ERC2: variants seen among roughly 807,000 people sequenced by gnomAD.
ERC2 encodes ERC protein 2.
ERC2 carries 42 observed loss-of-function variants against 114.8 expected under a neutral mutation model. That is an observed-to-expected ratio of 0.37 (90% CI 0.29 to 0.47). ERC2 has a LOEUF of 0.47. Ranked by LOEUF, ERC2 falls within the 20% of genes least tolerant of loss-of-function variation. The pLI, the probability that ERC2 is intolerant of heterozygous loss-of-function variation, is 0.99. For synonymous variants in ERC2, 454 were observed against 425.5 expected, an observed-to-expected ratio of 1.07 and a Z score of -0.82; for missense variants, 939 against 1,150.7, an observed-to-expected ratio of 0.82 and a Z score of 2.66.
intron 7 of ERC2, among the ~76,000 whole-genome samples, chr3:56,061,839 T>C (rs1165896621): frequency 1.3e-5 from 2 of 152,208 alleles, no homozygotes; most frequent in African/African-American, 4.8e-5. Context: ...GTTCTGTATC[T>C]GTAATTCAGT....
At position 55,888,342 on chromosome 3, in the gene ERC2, A is replaced by G. The variant is rs774393357; in HGVS notation, c.2564+47T>C. On this transcript the variant is annotated intron_variant, in intron 14 of 17. Transcript: ENST00000288221. ...TAGCCCTTCCCCTTTCCCACTCTCA[A>G]GAGAGGCTAGAAGAGAGAGGCTACC... The G allele has an allele frequency of 7.5e-6, 12 of 1,603,320 alleles. No homozygotes were observed. The South Asian group carries it at 1.2e-4, about 16-fold the overall frequency.
chr3:55,734,309 T>C (rs563585925), intron 15 of ERC2, among the ~76,000 whole-genome samples: 4 of 152,112 alleles, frequency 2.6e-5, no homozygotes, highest in African/African-American at 9.6e-5. Flanking sequence ...GAGGAAATAG[T>C]CAAAGAACTA....
chr3:56,123,609 C>T (rs2079709246), intron 6 of ERC2, among the ~76,000 whole-genome samples: 1 of 152,228 alleles, frequency 6.6e-6, no homozygotes, highest in African/African-American at 2.4e-5. Context: ...ACCACTGTCA[C>T]TCCTCACCAG....
rs1206032432 is a variant in ERC2 at position 55,986,016 on chromosome 3, A to G, written c.2256-28T>C. 4 of 1,538,282 alleles carry G rather than the reference A, an allele frequency of 2.6e-6. No individual in the cohort carries two copies. In the South Asian group the frequency reaches 3.6e-5, roughly 14 times the overall value. On this transcript the variant is annotated intron_variant, in intron 11 of 17. Coordinates refer to ENST00000288221, the MANE Select transcript of ERC2 (RefSeq NM_015576.3). The stretch of plus-strand genomic sequence containing the variant: ...GATTGGAGCAAGGGTGAAAGCAGCA[A>G]TTTGGAGGATAAGCAGAAAGGAAAA...
At chr3:56,167,903 T>C (rs1240792116) in intron 4 of ERC2, among the ~76,000 whole-genome samples, 1 of 152,132 alleles carries the variant, frequency 6.6e-6, no homozygotes, top group Non-Finnish European at 1.5e-5. Context: ...AGTTTTGCCT[T>C]TTAGCACAAA....
chr3:55,770,219 G>A (rs903805256), intron 14 of ERC2, among the ~76,000 whole-genome samples: 3 of 152,118 alleles, frequency 2.0e-5, no homozygotes, highest in African/African-American at 7.2e-5. Flanking sequence ...AGACCCCAGT[G>A]ACCCATGGCT....
At chr3:56,024,669 A>G (rs2073936145) in intron 7 of ERC2, among the ~76,000 whole-genome samples, 1 of 152,244 alleles carries the variant, frequency 6.6e-6, no homozygotes, top group African/African-American at 2.4e-5. Context: ...GTTCTTCATA[A>G]AATCAGAACA....
intron 2 of ERC2, among the ~76,000 whole-genome samples, chr3:56,340,253 T>C (rs1426549354): frequency 6.6e-6 from 1 of 152,234 alleles, no homozygotes; most frequent in Non-Finnish European, 1.5e-5. Context: ...ATTAAAATGA[T>C]ATATCCTGAT....
intron 2 of ERC2, among the ~76,000 whole-genome samples, chr3:56,347,079 G>T (rs1455646557): frequency 1.3e-5 from 2 of 152,114 alleles, no homozygotes; most frequent in East Asian, 3.9e-4. Context: ...GTATTACAAA[G>T]AAATCAGCAA....
At chr3:56,425,418 T>C (rs2107275685) in intron 2 of ERC2, among the ~76,000 whole-genome samples, 1 of 152,232 alleles carries the variant, frequency 6.6e-6, no homozygotes, top group South Asian at 2.1e-4. Context: ...GAGGCAGACA[T>C]TGAGAACCAG....
chr3:55,813,981 G>A (rs763055172), intron 14 of ERC2, among the ~76,000 whole-genome samples: 7 of 152,136 alleles, frequency 4.6e-5, no homozygotes, highest in Admixed American at 1.3e-4. Flanking sequence ...TGTGAAAGGC[G>A]GGAACAGGAT....
At chr3:56,081,912 C>T (rs1215880573) in intron 6 of ERC2, among the ~76,000 whole-genome samples, 1 of 152,118 alleles carries the variant, frequency 6.6e-6, no homozygotes, top group Non-Finnish European at 1.5e-5. Flanking sequence ...TATAAATGTA[C>T]ACTAATCCAG....
At chr3:55,907,504 G>A (rs904204687) in intron 13 of ERC2, among the ~76,000 whole-genome samples, 2 of 152,206 alleles carry the variant, frequency 1.3e-5, no homozygotes, top group African/African-American at 4.8e-5. Context: ...TTAATTGTTT[G>A]ACTGGAGAAA....
chr3:56,010,282 C>CA lies in ERC2; in HGVS notation c.1920+166dup, dbSNP rs111539238. 8.7e-4 allele frequency among the ~76,000 whole-genome samples: 128 copies of CA among 146,670 alleles called. 1 individual carries two copies. In the South Asian group the frequency reaches 9.4e-3, roughly 11 times the overall value. ...AGGGCATCACAGATGAAGGAAGTTA[C>CA]AAAAAAAAAAATTCCTTTAAATTCA... On this transcript the variant is annotated intron_variant, in intron 9 of 17. Transcript: ENST00000288221.
intron 7 of ERC2, among the ~76,000 whole-genome samples, chr3:56,032,893 G>C (rs145206089): frequency 3.5e-4 from 30 of 86,554 alleles, no homozygotes; most frequent in Non-Finnish European, 4.5e-4. Context: ...GAAAGAGAGA[G>C]AGAGAGACAG....
chr3:55,520,292 C>G (rs555703531), intron 17 of ERC2, among the ~76,000 whole-genome samples: 3 of 151,676 alleles, frequency 2.0e-5, no homozygotes, highest in Non-Finnish European at 4.4e-5. Flanking sequence ...AAAAATTAGC[C>G]GGGCATGGTG....
At chr3:55,609,094 T>C (rs2058768895) in intron 17 of ERC2, among the ~76,000 whole-genome samples, 1 of 152,118 alleles carries the variant, frequency 6.6e-6, no homozygotes. Flanking sequence ...AGTCCTAAAG[T>C]TATCTGAAGT....
At chr3:55,580,311 A>C (rs1013360044) in intron 17 of ERC2, among the ~76,000 whole-genome samples, 1 of 152,098 alleles carries the variant, frequency 6.6e-6, no homozygotes, top group African/African-American at 2.4e-5. Context: ...CAGAGGCGAA[A>C]GAATAAAGGC....
At chr3:56,152,068 T>C (rs1170790597) in intron 4 of ERC2, among the ~76,000 whole-genome samples, 1 of 152,130 alleles carries the variant, frequency 6.6e-6, no homozygotes, top group Admixed American at 6.6e-5. Context: ...TGGGCCTTCC[T>C]TAGAGACGGG....
Sources: allele counts gnomAD v4.1 joint callset (sites outside exome capture counted in the v4.1 genomes callset), GRCh38; gene constraint gnomAD v4.1.1; transcripts MANE v1.5; gene names NCBI Gene and HGNC (gene_info 2026-07-23, HGNC 2026-07-21).